The following SCARA5 variants were observed in gnomAD, a reference collection of about 807,000 sequenced individuals.
SCARA5 encodes the protein scavenger receptor class A, member 5 (putative).
Under a neutral mutation model 46.3 loss-of-function variants are expected in SCARA5, and 45 were observed. The observed-to-expected ratio is 0.97, with a 90% CI of 0.76 to 1.24. The LOEUF is 1.24. SCARA5 is among the 50% of genes most tolerant of loss of function. The pLI, the probability that SCARA5 is intolerant of heterozygous loss-of-function variation, is 0.00. For missense variants in SCARA5, 680 were observed against 689.0 expected (o/e 0.99, Z 0.15); for synonymous variants, 333 against 306.5 (o/e 1.09, Z -0.90).
Position 27,987,642 on chromosome 8 carries a change from G to T in SCARA5, c.-15-12C>A, listed in dbSNP as rs111455590. On this transcript the variant is annotated splice_polypyrimidine_tract_variant and intron_variant, in intron 1 of 8. Transcript: ENST00000354914. ...ACACCCTGCAACAGCTGCAGAGAAG[G>T]CAAGAGGGGAGGAGAGGGAGGACGA... The T allele has an allele frequency of 3.3e-6, 5 of 1,514,342 alleles. No individual in the cohort carries two copies. Among genetic ancestry groups the T allele is most frequent in the Middle Eastern group, 1.7e-4 (1 of 5,860 alleles). 93.8% of individuals were successfully genotyped at this position (1,514,342 alleles called of 1,614,324 possible).
intron 4 of SCARA5, among the ~76,000 whole-genome samples, chr8:27,920,101 G>A (rs930150990): frequency 6.6e-6 from 1 of 151,884 alleles, no homozygotes; most frequent in Non-Finnish European, 1.5e-5. Context: ...AAGAAAGGGA[G>A]TTGGGTCTCT....
chr8:27,981,637 C>T (rs1269300899), intron 2 of SCARA5, among the ~76,000 whole-genome samples: 1 of 152,212 alleles, frequency 6.6e-6, no homozygotes, highest in Non-Finnish European at 1.5e-5. Context: ...CAACACAACT[C>T]GTGTGTGCAC....
At chr8:27,891,296 C>G (rs1038709560) in intron 7 of SCARA5, among the ~76,000 whole-genome samples, 1 of 151,916 alleles carries the variant, frequency 6.6e-6, no homozygotes, top group African/African-American at 2.4e-5. Flanking sequence ...ACCTTCACCT[C>G]CAGAGTTCAA....
At chr8:27,936,919 G>T (rs1477392089) in intron 3 of SCARA5, among the ~76,000 whole-genome samples, 1 of 152,126 alleles carries the variant, frequency 6.6e-6, no homozygotes, top group Non-Finnish European at 1.5e-5. Context: ...ACACCTTACT[G>T]CTGTTTACTG....
At chr8:27,904,964 A>T in intron 6 of SCARA5, 130 bp from the exon 7 acceptor site, 2 of 788,156 alleles carry the variant, frequency 2.5e-6, no homozygotes, top group Non-Finnish European at 4.2e-6. Context: ...GCAACTGGAG[A>T]GCCCAGCAGG....
At chr8:27,985,521 G>A (rs1808692595) in intron 2 of SCARA5, among the ~76,000 whole-genome samples, 1 of 152,202 alleles carries the variant, frequency 6.6e-6, no homozygotes, top group Non-Finnish European at 1.5e-5. Flanking sequence ...GGGTTGAAAA[G>A]GGCCACACTC....
intron 8 of SCARA5, among the ~76,000 whole-genome samples, chr8:27,878,915 C>T (rs1037456316): frequency 6.6e-6 from 1 of 152,078 alleles, no homozygotes; most frequent in Non-Finnish European, 1.5e-5. Context: ...ATAGTGAGAC[C>T]TCATCTCTAT....
At chr8:27,976,249 TG>T (rs1554479060) in intron 2 of SCARA5, among the ~76,000 whole-genome samples, 1 of 152,076 alleles carries the variant, frequency 6.6e-6, no homozygotes, top group Non-Finnish European at 1.5e-5. Context: ...TTCCTGGGGC[TG>T]GTGAAAGATG....
chr8:27,972,470 A>C (rs191110842), intron 2 of SCARA5, among the ~76,000 whole-genome samples: 4 of 152,354 alleles, frequency 2.6e-5, no homozygotes, highest in Admixed American at 2.6e-4. Flanking sequence ...TAATGAAAGT[A>C]ACTAAGTCAC....
chr8:27,964,632 G>T (rs1387959074), intron 3 of SCARA5, among the ~76,000 whole-genome samples: 5 of 152,028 alleles, frequency 3.3e-5, no homozygotes, highest in African/African-American at 4.8e-5. Flanking sequence ...TCCACCTGTT[G>T]GTCCTAGCTC....
chr8:27,942,775 G>T lies in SCARA5; in HGVS notation c.242-20530C>A, dbSNP rs1022592077. On this transcript the variant is annotated intron_variant, in intron 3 of 8. Coordinates refer to ENST00000354914, the MANE Select transcript of SCARA5 (RefSeq NM_173833.6). ...AGGGCTGGAAAAAAAAATGCCCTTT[G>T]CTGCTATCTCAAAGCATCTTCATGC... 2.0e-5 allele frequency among the ~76,000 whole-genome samples: 3 copies of T among 152,256 alleles called. No individual in the cohort carries two copies. The South Asian group carries it at 6.2e-4, about 32-fold the overall frequency.
chr8:27,978,776 A>C (rs1452233568), intron 2 of SCARA5, among the ~76,000 whole-genome samples: 1 of 152,026 alleles, frequency 6.6e-6, no homozygotes, highest in Non-Finnish European at 1.5e-5. Context: ...CTCCCAAAGC[A>C]CTGGGATTAC....
At chr8:27,958,462 C>T (rs1257100145) in intron 3 of SCARA5, among the ~76,000 whole-genome samples, 2 of 152,170 alleles carry the variant, frequency 1.3e-5, no homozygotes, top group Non-Finnish European at 2.9e-5. Context: ...GGACTTCAAA[C>T]GACCCTGACT....
chr8:27,899,611 A>G (rs564959153), intron 7 of SCARA5, among the ~76,000 whole-genome samples: 3 of 152,314 alleles, frequency 2.0e-5, no homozygotes, highest in African/African-American at 7.2e-5. Context: ...TTACAATCCT[A>G]TGGATGGCTT....
intron 7 of SCARA5, among the ~76,000 whole-genome samples, chr8:27,899,958 T>TA (rs1351562610): frequency 6.6e-6 from 1 of 151,970 alleles, no homozygotes; most frequent in Non-Finnish European, 1.5e-5. Flanking sequence ...GCCAACATGG[T>TA]AAAAACCCAT....
At chr8:27,918,608 G>T in intron 4 of SCARA5, among the ~76,000 whole-genome samples, 1 of 149,324 alleles carries the variant, frequency 6.7e-6, no homozygotes, top group South Asian at 2.2e-4. Flanking sequence ...GGAGAAGGAG[G>T]AGGAAGAGGA....
intron 3 of SCARA5, among the ~76,000 whole-genome samples, chr8:27,954,509 A>G (rs1284275832): frequency 2.6e-5 from 4 of 152,158 alleles, no homozygotes; most frequent in African/African-American, 4.8e-5. Flanking sequence ...ACGCAATTTC[A>G]TAAACACTCT....
intron 6 of SCARA5, among the ~76,000 whole-genome samples, chr8:27,905,523 T>TGGCAGGGGG (rs751627046): frequency 1.9e-5 from 1 of 53,638 alleles, no homozygotes; most frequent in African/African-American, 5.0e-5. Flanking sequence ...ATCCAAGATT[T>TGGCAGGGGG]GGGGGGGGGA....
At chr8:27,887,156 T>A (rs1403690061) in intron 7 of SCARA5, among the ~76,000 whole-genome samples, 1 of 152,012 alleles carries the variant, frequency 6.6e-6, no homozygotes, top group Non-Finnish European at 1.5e-5. Flanking sequence ...TGCAGCCACG[T>A]CCCCTAGTAA....
Sources: allele counts gnomAD v4.1 joint callset (sites outside exome capture counted in the v4.1 genomes callset), GRCh38; gene constraint gnomAD v4.1.1; transcripts MANE v1.5; gene names NCBI Gene and HGNC (gene_info 2026-07-23, HGNC 2026-07-21).